The following MYO18B variants were observed in gnomAD, a reference collection of about 807,000 sequenced individuals.
MYO18B encodes unconventional myosin-XVIIIb.
Under a neutral mutation model 273.0 loss-of-function variants are expected in MYO18B, and 204 were observed. The observed-to-expected ratio is 0.75, with a 90% CI of 0.67 to 0.84. MYO18B has a LOEUF of 0.84. Among genes scored for constraint, MYO18B ranks in the 40% least tolerant of loss-of-function variants. The pLI, the probability that MYO18B is intolerant of heterozygous loss-of-function variation, is 0.00. For missense variants in MYO18B, 3,212 were observed against 3,287.6 expected (o/e 0.98, Z 0.56); for synonymous variants, 1,330 against 1,305.7 (o/e 1.02, Z -0.40).
intron 42 of MYO18B, among the ~76,000 whole-genome samples, chr22:26,014,335 G>A (rs1935140788): frequency 2.0e-5 from 3 of 152,162 alleles, no homozygotes; most frequent in Admixed American, 6.5e-5. Flanking sequence ...ATATACGTCT[G>A]TCTATTCTAT....
chr22:25,768,808 G>A lies in MYO18B; in HGVS notation c.892G>A (p.Val298Ile). The change falls in exon 4 of 44, where the codon GTC becomes ATC. Residue 298 changes from valine (V) to isoleucine (I), a missense_variant. Transcript: ENST00000335473. Reference protein sequence around the residue: ...EPTNTVEKGNVSKDVGSEGKH... With the variant: ...EPTNTVEKGNISKDVGSEGKH... ...CACAAACACGGTGGAAAAGGGGAAT[G>A]TCTCTAAGGACGTAGGGAGTGAAGG... 1.2e-6 allele frequency: 2 copies of A among 1,610,588 alleles called. No individual in the cohort carries two copies. The highest frequency in any genetic ancestry group is 1.7e-6 in the Non-Finnish European group (2 of 1,178,350).
intron 42 of MYO18B, among the ~76,000 whole-genome samples, chr22:26,006,211 T>C (rs774688023): frequency 1.8e-4 from 27 of 152,206 alleles, no homozygotes; most frequent in Admixed American, 5.2e-4. Flanking sequence ...AACAGATGAA[T>C]TGCAGCCTAA....
the MYO18B span, among the ~76,000 whole-genome samples, chr22:26,037,145 C>T: frequency 4.6e-5 from 7 of 152,266 alleles, no homozygotes; most frequent in East Asian, 1.2e-3. Flanking sequence ...CAAACCTGGG[C>T]CTGCCTGCTC....
At chr22:25,783,507 CA>C (rs1433126109) in intron 10 of MYO18B, among the ~76,000 whole-genome samples, 4 of 152,238 alleles carry the variant, frequency 2.6e-5, no homozygotes, top group African/African-American at 9.6e-5. Context: ...CTCAGACACA[CA>C]CATCACCCTT....
intron 1 of MYO18B, among the ~76,000 whole-genome samples, chr22:25,758,775 G>A (rs1038757901): frequency 7.2e-6 from 1 of 138,430 alleles, no homozygotes; most frequent in Non-Finnish European, 1.6e-5. Context: ...TTTTTTTTTT[G>A]GAGACAGAGT....
At chr22:25,887,755 T>A (rs1217961497) in intron 25 of MYO18B, among the ~76,000 whole-genome samples, 2 of 152,146 alleles carry the variant, frequency 1.3e-5, no homozygotes, top group African/African-American at 4.8e-5. Context: ...GGGCACCTTG[T>A]CTCTGAGAAA....
chr22:25,828,444 G>T (rs1194762071), intron 14 of MYO18B, among the ~76,000 whole-genome samples: 1 of 151,970 alleles, frequency 6.6e-6, no homozygotes, highest in African/African-American at 2.4e-5. Context: ...ATAGGCCTCT[G>T]AAGAAAGAAA....
Position 26,000,597 on chromosome 22 carries a change from T to TA in MYO18B, c.6288-2665dup, listed in dbSNP as rs1392488865. Among the ~76,000 whole-genome samples, 4 of 147,680 alleles carry TA rather than the reference T, an allele frequency of 2.7e-5. No homozygotes were observed. In the East Asian group the frequency reaches 5.8e-4, roughly 22 times the overall value. On this transcript the variant is annotated intron_variant, in intron 40 of 43. Coordinates refer to ENST00000335473, the MANE Select transcript of MYO18B (RefSeq NM_032608.7). ...CCTGAAAGCCTTTTTTTTTTTTTTTTAAATCTCCTGTCCCGAAGGCTTCAT... is the reference window on the plus strand; with the variant it reads ...CCTGAAAGCCTTTTTTTTTTTTTTTTAAAATCTCCTGTCCCGAAGGCTTCAT...
At chr22:25,794,368 G>T (rs1444636593) in intron 11 of MYO18B, among the ~76,000 whole-genome samples, 2 of 150,888 alleles carry the variant, frequency 1.3e-5, no homozygotes, top group Non-Finnish European at 2.9e-5. Flanking sequence ...CACCATGCCT[G>T]GCAGATTTTT....
rs776522513 is a variant in MYO18B, at chr22:25,768,873, A to T, written c.957A>T (p.Gly319=). 1 of 1,613,148 alleles carries T rather than the reference A, an allele frequency of 6.2e-7. No homozygotes were observed. The highest frequency in any genetic ancestry group is 1.1e-5 in the South Asian group (1 of 90,762). ...VRPQIPGRKW[G]GFLGRRSKWD... ...CCCAAATCCCTGGGAGAAAGTGGGG[A>T]GGTTTCCTGGGAAGAAGGAGTAAGT... Residue 319 remains glycine, a synonymous_variant, in exon 4 of 44, where the codon GGA becomes GGT. Coordinates refer to ENST00000335473, the MANE Select transcript of MYO18B (RefSeq NM_032608.7).
At chr22:26,046,539 A>G in the MYO18B span, among the ~76,000 whole-genome samples, 1 of 152,204 alleles carries the variant, frequency 6.6e-6, no homozygotes, top group Non-Finnish European at 1.5e-5. Flanking sequence ...AAAATATCCA[A>G]ATAGGTCCAT....
the MYO18B span, among the ~76,000 whole-genome samples, chr22:26,049,679 T>G: frequency 6.6e-6 from 1 of 152,204 alleles, no homozygotes; most frequent in South Asian, 2.1e-4. Context: ...TAACTATTGT[T>G]GGATAAATGA....
rs527774375 is a variant in MYO18B at position 25,988,915 on chromosome 22, G to A, written c.6157-3448G>A. 3.3e-5 allele frequency among the ~76,000 whole-genome samples: 5 copies of A among 152,250 alleles called. No homozygotes were observed. The East Asian group carries it at 9.6e-4, about 29-fold the overall frequency. ...GCAGCAGAGTTGGGATTTGAACCCC[G>A]GCAGCTCGGCTCCAGAGCCTACTTT... On this transcript the variant is annotated intron_variant, in intron 39 of 43. Coordinates refer to ENST00000335473, the MANE Select transcript of MYO18B (RefSeq NM_032608.7).
intron 42 of MYO18B, among the ~76,000 whole-genome samples, chr22:26,008,975 C>T (rs1007256832): frequency 6.6e-6 from 1 of 152,146 alleles, no homozygotes; most frequent in African/African-American, 2.4e-5. Context: ...GGTCACTCAC[C>T]CTGTTCTGCA....
At chr22:25,971,849 G>T (rs2093038627) in intron 39 of MYO18B, among the ~76,000 whole-genome samples, 2 of 152,050 alleles carry the variant, frequency 1.3e-5, no homozygotes, top group South Asian at 4.1e-4. Context: ...AATCATGTTT[G>T]CATTTTAACT....
intron 34 of MYO18B, among the ~76,000 whole-genome samples, chr22:25,933,999 G>C (rs1034361453): frequency 2.0e-5 from 3 of 152,206 alleles, no homozygotes; most frequent in Non-Finnish European, 4.4e-5. Flanking sequence ...CTGGCAGTTG[G>C]TATTATTATC....
At chr22:25,785,822 G>T (rs1238950951) in intron 11 of MYO18B, among the ~76,000 whole-genome samples, 2 of 152,158 alleles carry the variant, frequency 1.3e-5, no homozygotes, top group Non-Finnish European at 2.9e-5. Flanking sequence ...CTCTTCTTCA[G>T]TACAGTAATG....
At position 25,768,156 on chromosome 22, in the gene MYO18B, C is replaced by T. The variant is rs1016741109; in HGVS notation, c.240C>T (p.Ser80=). ...ISISQPNSKS[S]SGTRSGSQQI... ...TCAGCCAACCCAACAGCAAGTCCAG[C>T]AGTGGCACCAGATCTGGAAGCCAGC... The change falls in exon 4 of 44, where the codon AGC becomes AGT. Residue 80 remains serine (S), a synonymous_variant. Coordinates refer to ENST00000335473, the MANE Select transcript of MYO18B (RefSeq NM_032608.7). 9.9e-6 allele frequency: 16 copies of T among 1,610,446 alleles called. No individual in the cohort carries two copies. The highest frequency in any genetic ancestry group is 1.4e-5 in the Non-Finnish European group (16 of 1,178,172).
At chr22:26,033,804 CCTTT>C (rs1330815364), downstream of MYO18B, among the ~76,000 whole-genome samples, 7 of 144,482 alleles carry the variant, frequency 4.8e-5, 1 homozygote, top group Non-Finnish European at 1.0e-4. Flanking sequence ...CTCCTTCCTT[CCTTT>C]CTTTTTCTCT....
Sources: allele counts gnomAD v4.1 joint callset (sites outside exome capture counted in the v4.1 genomes callset), GRCh38; gene constraint gnomAD v4.1.1; transcripts MANE v1.5; gene names NCBI Gene and HGNC (gene_info 2026-07-23, HGNC 2026-07-21).